Variants in AUTS2 observed in about 807,000 individuals in gnomAD.
AUTS2 encodes the protein activator of transcription and developmental regulator AUTS2, also known as autism susceptibility gene 2 protein.
AUTS2 carries 17 observed loss-of-function variants against 112.4 expected under a neutral mutation model. That is an observed-to-expected ratio of 0.15 (90% CI 0.10 to 0.23). The LOEUF (loss-of-function observed/expected upper bound fraction) is 0.23, where lower values mean the gene tolerates loss of function less well. AUTS2 is among the 10% of genes least tolerant of loss of function. AUTS2 has a pLI of 1.00. For missense variants in AUTS2, 1,510 were observed against 1,701.6 expected (o/e 0.89, Z 1.98); for synonymous variants, 751 against 702.7 (o/e 1.07, Z -1.09).
At chr7:70,642,670 A>G (rs996933633) in intron 5 of AUTS2, among the ~76,000 whole-genome samples, 1 of 152,176 alleles carries the variant, frequency 6.6e-6, no homozygotes, top group Non-Finnish European at 1.5e-5. Flanking sequence ...AGTGGAAGAC[A>G]TATCACTCCT....
chr7:70,560,527 T>C lies in AUTS2; in HGVS notation c.690+124746T>C, dbSNP rs1801445896. On this transcript the variant is annotated intron_variant, in intron 5 of 18. Transcript: ENST00000342771. The stretch of plus-strand genomic sequence containing the variant: ...CAACAGGGTTATTTTTTAAGCTTTC[T>C]AATAAACTTTCTATCAAAAGCATTT... Among the ~76,000 whole-genome samples the C allele has an allele frequency of 1.3e-5, 2 of 152,274 alleles. 1 individual carries two copies. Among genetic ancestry groups the C allele is most frequent in the Non-Finnish European group, 2.9e-5 (2 of 68,050 alleles).
chr7:69,910,403 G>C (rs1795305286), intron 2 of AUTS2, among the ~76,000 whole-genome samples: 1 of 152,202 alleles, frequency 6.6e-6, no homozygotes, highest in African/African-American at 2.4e-5. Context: ...AGAGTGGCAA[G>C]GGGTGTGTGG....
intron 5 of AUTS2, among the ~76,000 whole-genome samples, chr7:70,479,785 G>A (rs780085983): frequency 1.4e-4 from 21 of 152,154 alleles, no homozygotes; most frequent in South Asian, 4.1e-4. Context: ...TTGAGTCCCC[G>A]GGGTTTCCCC....
chr7:69,850,929 A>G (rs1474020556), intron 1 of AUTS2, among the ~76,000 whole-genome samples: 1 of 152,206 alleles, frequency 6.6e-6, no homozygotes, highest in Non-Finnish European at 1.5e-5. Flanking sequence ...CACCAAACCC[A>G]TAGGTCCTGA....
chr7:70,623,399 C>T (rs1804775822), intron 5 of AUTS2, among the ~76,000 whole-genome samples: 1 of 152,124 alleles, frequency 6.6e-6, no homozygotes, highest in Non-Finnish European at 1.5e-5. Flanking sequence ...GTTCAATTCC[C>T]AGAGGCAGAT....
At chr7:70,650,096 G>T (rs777350218) in intron 5 of AUTS2, among the ~76,000 whole-genome samples, 1 of 152,100 alleles carries the variant, frequency 6.6e-6, no homozygotes, top group Non-Finnish European at 1.5e-5. Context: ...CAAGATGGCC[G>T]CCATAGTTAT....
intron 2 of AUTS2, among the ~76,000 whole-genome samples, chr7:70,004,164 A>G: frequency 7.5e-6 from 1 of 132,624 alleles, no homozygotes; most frequent in East Asian, 2.1e-4. Context: ...ATATGTGAAT[A>G]TATATAATAT....
intron 2 of AUTS2, among the ~76,000 whole-genome samples, chr7:69,975,965 A>G (rs555107566): frequency 1.3e-5 from 2 of 152,308 alleles, no homozygotes; most frequent in African/African-American, 4.8e-5. Context: ...GGCTTGAACC[A>G]TCTCGCCCAG....
intron 1 of AUTS2, among the ~76,000 whole-genome samples, chr7:69,895,324 G>A (rs2129539867): frequency 6.6e-6 from 1 of 151,776 alleles, no homozygotes; most frequent in Non-Finnish European, 1.5e-5. Context: ...GTTTATAGAG[G>A]GAATGAACAA....
intron 5 of AUTS2, among the ~76,000 whole-genome samples, chr7:70,625,351 G>A (rs917459464): frequency 2.0e-5 from 3 of 152,178 alleles, no homozygotes; most frequent in African/African-American, 4.8e-5. Context: ...GTTATTTCCC[G>A]ACTTACAGCC....
intron 2 of AUTS2, among the ~76,000 whole-genome samples, chr7:69,906,556 T>G (rs1795156608): frequency 6.6e-6 from 1 of 152,240 alleles, no homozygotes; most frequent in South Asian, 2.1e-4. Flanking sequence ...CGGTGACATC[T>G]GAATGCTCTT....
chr7:69,600,977 T>C (rs1207333421), intron 1 of AUTS2, among the ~76,000 whole-genome samples: 1 of 148,878 alleles, frequency 6.7e-6, no homozygotes, highest in Admixed American at 6.7e-5. Flanking sequence ...AACTGGCTCC[T>C]AGGGTAGGGG....
chr7:70,626,012 A>G (rs1335172303), intron 5 of AUTS2, among the ~76,000 whole-genome samples: 1 of 152,016 alleles, frequency 6.6e-6, no homozygotes, highest in Non-Finnish European at 1.5e-5. Flanking sequence ...TCCCAGGTTC[A>G]AGCGATTCTC....
At chr7:70,192,773 A>AT (rs1809970918) in intron 4 of AUTS2, among the ~76,000 whole-genome samples, 1 of 152,216 alleles carries the variant, frequency 6.6e-6, no homozygotes, top group Non-Finnish European at 1.5e-5. Context: ...GGAACTCTGA[A>AT]GAAACCACCT....
At chr7:70,718,680 C>CAAAACAATAACAA in intron 6 of AUTS2, among the ~76,000 whole-genome samples, 1 of 152,106 alleles carries the variant, frequency 6.6e-6, no homozygotes, top group Non-Finnish European at 1.5e-5. Context: ...AACAAACAAA[C>CAAAACAATAACAA]AAACAAAAAA....
At chr7:70,449,972 T>TA (rs1410302290) in intron 5 of AUTS2, among the ~76,000 whole-genome samples, 1 of 152,168 alleles carries the variant, frequency 6.6e-6, no homozygotes, top group African/African-American at 2.4e-5. Context: ...GTAAATTACA[T>TA]ATCTAGGGTA....
intron 1 of AUTS2, among the ~76,000 whole-genome samples, chr7:69,664,877 G>C (rs1226222662): frequency 6.6e-6 from 1 of 152,192 alleles, no homozygotes; most frequent in Non-Finnish European, 1.5e-5. Context: ...GGGTTGGCCA[G>C]TAGGGACTAT....
intron 14 of AUTS2, among the ~76,000 whole-genome samples, chr7:70,779,076 C>T (rs1790892105): frequency 6.6e-6 from 1 of 152,112 alleles, no homozygotes; most frequent in Admixed American, 6.5e-5. Flanking sequence ...TGCTTCATGG[C>T]CCTAAGTTGT....
chr7:70,009,622 C>T (rs1030135899), intron 2 of AUTS2, among the ~76,000 whole-genome samples: 24 of 152,134 alleles, frequency 1.6e-4, no homozygotes, highest in African/African-American at 5.3e-4. Flanking sequence ...TGACAAAGAT[C>T]TTCTATAATA....
Sources: allele counts gnomAD v4.1 joint callset (sites outside exome capture counted in the v4.1 genomes callset), GRCh38; gene constraint gnomAD v4.1.1; transcripts MANE v1.5; gene names NCBI Gene and HGNC (gene_info 2026-07-23, HGNC 2026-07-21).